Variants in CYRIA observed in about 807,000 individuals in gnomAD.
CYRIA encodes the protein CYFIP related Rac1 interactor A, also known as CYFIP-related Rac1 interactor A.
Under a neutral mutation model 43.9 loss-of-function variants are expected in CYRIA, and 15 were observed. That is an observed-to-expected ratio of 0.34 (90% CI 0.23 to 0.53). The LOEUF is 0.53. CYRIA is among the 20% of genes least tolerant of loss of function. The pLI is 0.94. For missense variants in CYRIA, 236 were observed against 394.2 expected, an observed-to-expected ratio of 0.60 and a Z score of 3.40; for synonymous variants, 117 against 136.0, an observed-to-expected ratio of 0.86 and a Z score of 0.97.
chr2:16,660,008 C>T (rs1670205955), intron 1 of CYRIA, among the ~76,000 whole-genome samples: 1 of 151,984 alleles, frequency 6.6e-6, no homozygotes, highest in Non-Finnish European at 1.5e-5. Flanking sequence ...GAAAGTGGCT[C>T]CCTTTCTGGG....
intron 2 of CYRIA, among the ~76,000 whole-genome samples, chr2:16,610,679 T>C (rs555391827): frequency 1.3e-5 from 2 of 152,136 alleles, no homozygotes; most frequent in South Asian, 2.1e-4. Flanking sequence ...CCCCATGTAG[T>C]TGGAACACAT....
At chr2:16,568,517 T>C (rs1173248490) in intron 3 of CYRIA, among the ~76,000 whole-genome samples, 1 of 152,146 alleles carries the variant, frequency 6.6e-6, no homozygotes, top group Non-Finnish European at 1.5e-5. Flanking sequence ...TCTGGTAGAA[T>C]AGAATTCCAG....
intron 3 of CYRIA, among the ~76,000 whole-genome samples, chr2:16,579,222 A>G (rs1166268002): frequency 6.6e-6 from 1 of 152,210 alleles, no homozygotes; most frequent in African/African-American, 2.4e-5. Context: ...TTAGATAGCA[A>G]TATATTTAGA....
chr2:16,591,996 T>C (rs143065268), intron 2 of CYRIA, among the ~76,000 whole-genome samples: 100 of 152,178 alleles, frequency 6.6e-4, no homozygotes, highest in Admixed American at 1.6e-3. Flanking sequence ...CTGGTGCACA[T>C]AGAAGTTTTC....
At chr2:16,619,043 A>C (rs1158097733) in intron 2 of CYRIA, among the ~76,000 whole-genome samples, 1 of 152,200 alleles carries the variant, frequency 6.6e-6, no homozygotes, top group African/African-American at 2.4e-5. Context: ...GCTTTGGCCA[A>C]GCCATTTCCT....
At chr2:16,625,358 A>G (rs983712180) in intron 1 of CYRIA, among the ~76,000 whole-genome samples, 6 of 145,496 alleles carry the variant, frequency 4.1e-5, no homozygotes, top group Admixed American at 1.4e-4. Context: ...TCAGACAACA[A>G]GGGACATGCC....
intron 2 of CYRIA, among the ~76,000 whole-genome samples, chr2:16,591,574 A>G (rs1431889013): frequency 6.6e-6 from 1 of 152,110 alleles, no homozygotes; most frequent in Non-Finnish European, 1.5e-5. Context: ...ACACAGCCAA[A>G]TGGGTGGCAG....
intron 3 of CYRIA, among the ~76,000 whole-genome samples, chr2:16,579,419 G>GCACA (rs35850813): frequency 0.29 from 42,597 of 147,214 alleles, 6,272 homozygotes; most frequent in Admixed American, 0.35. Context: ...ACATGCACAT[G>GCACA]CACACACACA....
intron 1 of CYRIA, among the ~76,000 whole-genome samples, chr2:16,654,498 T>TA (rs968185069): frequency 9.9e-5 from 15 of 151,582 alleles, no homozygotes; most frequent in East Asian, 3.9e-4. Flanking sequence ...TTATTTTCTT[T>TA]AAAAAAAAAT....
Position 16,620,790 on chromosome 2 carries a change from G to A in CYRIA, c.-11+3074C>T, listed in dbSNP as rs139954369. The stretch of plus-strand genomic sequence containing the variant: ...CCACAGTCTCAGGAGGGAGGTGAAG[G>A]TGCACAGGATTCCCCGAGGCACAGT... On this transcript the variant is annotated intron_variant, in intron 2 of 11. Coordinates refer to ENST00000381323, the MANE Select transcript of CYRIA (RefSeq NM_030797.4). Among the ~76,000 whole-genome samples, 872 of 152,206 alleles carry A rather than the reference G, an allele frequency of 5.7e-3. 4 individuals are homozygous for A. Among genetic ancestry groups the A allele is most frequent in the Non-Finnish European group, 9.4e-3 (639 of 68,024 alleles).
At chr2:16,634,143 C>T (rs1161700097) in intron 1 of CYRIA, among the ~76,000 whole-genome samples, 1 of 152,190 alleles carries the variant, frequency 6.6e-6, no homozygotes, top group African/African-American at 2.4e-5. Context: ...GCCAGCCGAT[C>T]CACTAAGCAA....
rs1666225956 is a variant in CYRIA, at chr2:16,549,679, C to T, written c.*3257G>A. On this transcript the variant is annotated 3_prime_UTR_variant, in exon 12 of 12. Transcript: ENST00000381323. The stretch of plus-strand genomic sequence containing the variant: ...ACAAAATTCCAATGTTTATTACTAA[C>T]ATTTAAAAAATATTTGTAGCTGCAT... The T allele has an allele frequency of 6.6e-6, 1 of 152,050 alleles. No homozygotes were observed. 9.4% of individuals were successfully genotyped at this position (152,050 alleles called of 1,614,324 possible).
chr2:16,626,957 G>A (rs958394873), intron 1 of CYRIA, among the ~76,000 whole-genome samples: 1 of 152,190 alleles, frequency 6.6e-6, no homozygotes, highest in Non-Finnish European at 1.5e-5. Flanking sequence ...GCGGTACAAA[G>A]CTGAGGGGTA....
chr2:16,564,422 A>C (rs1219394722), intron 4 of CYRIA, among the ~76,000 whole-genome samples: 5 of 152,228 alleles, frequency 3.3e-5, no homozygotes, highest in Non-Finnish European at 4.4e-5. Context: ...AATTCTGCTC[A>C]TTATAAAGTG....
intron 1 of CYRIA, among the ~76,000 whole-genome samples, chr2:16,637,887 AG>A (rs1669552276): frequency 6.6e-6 from 1 of 152,218 alleles, no homozygotes. Flanking sequence ...CAATGGCAGA[AG>A]GGTGTCTGAT....
intron 3 of CYRIA, among the ~76,000 whole-genome samples, chr2:16,582,329 AC>A (rs780145241): frequency 6.6e-6 from 1 of 152,194 alleles, no homozygotes. Flanking sequence ...TTTTTTAAAA[AC>A]AAAAAAAATT....
chr2:16,604,491 T>A (rs1668320719), intron 2 of CYRIA, among the ~76,000 whole-genome samples: 3 of 152,212 alleles, frequency 2.0e-5, no homozygotes, highest in Admixed American at 2.0e-4. Flanking sequence ...TCAGACACGC[T>A]TTCTCCTGGT....
intron 2 of CYRIA, among the ~76,000 whole-genome samples, chr2:16,608,181 C>T (rs1337661616): frequency 2.0e-5 from 3 of 152,066 alleles, no homozygotes; most frequent in Non-Finnish European, 4.4e-5. Context: ...TAGTCACTAC[C>T]CAGCAACAAC....
intron 1 of CYRIA, among the ~76,000 whole-genome samples, chr2:16,639,036 ATC>A (rs1669595085): frequency 6.6e-6 from 1 of 152,250 alleles, no homozygotes; most frequent in Non-Finnish European, 1.5e-5. Context: ...CATACAGAAA[ATC>A]TCAGAACTTT....
Sources: gnomAD v4.1 joint callset for allele counts (sites outside exome capture counted in the v4.1 genomes callset) on GRCh38, gnomAD v4.1.1 for gene constraint, MANE v1.5 for transcripts, NCBI Gene and HGNC (gene_info 2026-07-23, HGNC 2026-07-21) for gene names.